KCNJ6: variants seen among roughly 807,000 people sequenced by gnomAD.
KCNJ6 encodes the protein potassium inwardly rectifying channel subfamily J member 6, also known as G protein-activated inward rectifier potassium channel 2.
A neutral mutation model predicts 34.2 loss-of-function variants in KCNJ6; 9 were observed. The ratio of observed to expected loss-of-function variants is 0.26; its 90% CI spans 0.16 to 0.46. The LOEUF (loss-of-function observed/expected upper bound fraction) is 0.46, where lower values mean the gene tolerates loss of function less well. Among genes scored for constraint, KCNJ6 ranks in the 20% least tolerant of loss-of-function variants. KCNJ6 has a pLI of 1.00. For missense variants in KCNJ6, 236 were observed against 531.3 expected, an observed-to-expected ratio of 0.44 and a Z score of 5.46; for synonymous variants, 196 against 207.1, an observed-to-expected ratio of 0.95 and a Z score of 0.46.
At chr21:37,754,842 C>G (rs1601455151) in intron 2 of KCNJ6, among the ~76,000 whole-genome samples, 2 of 152,256 alleles carry the variant, frequency 1.3e-5, no homozygotes, top group Admixed American at 6.5e-5. Context: ...GCTAGTTTCC[C>G]TTTTGGGGGC....
chr21:37,701,044 C>T (rs981392207), intron 3 of KCNJ6, among the ~76,000 whole-genome samples: 5 of 152,110 alleles, frequency 3.3e-5, no homozygotes, highest in Non-Finnish European at 7.3e-5. Flanking sequence ...GACTTTAGGA[C>T]ACATTATATT....
At chr21:37,761,321 TGTGTGTATTA>T (rs1219010838) in intron 2 of KCNJ6, among the ~76,000 whole-genome samples, 1 of 2,030 alleles carries the variant, frequency 4.9e-4, no homozygotes, top group Non-Finnish European at 7.4e-4. Flanking sequence ...CTGTGTGTCT[TGTGTGTATTA>T]GTGTGTGTAT....
intron 3 of KCNJ6, among the ~76,000 whole-genome samples, chr21:37,648,747 C>T (rs905896109): frequency 6.6e-6 from 1 of 152,128 alleles, no homozygotes; most frequent in Admixed American, 6.5e-5. Context: ...TGGGGTCAGT[C>T]ATTTGTCCAA....
At chr21:37,858,165 G>C (rs1187018754) in intron 1 of KCNJ6, among the ~76,000 whole-genome samples, 1 of 152,000 alleles carries the variant, frequency 6.6e-6, no homozygotes, top group Non-Finnish European at 1.5e-5. Context: ...GCCGAAGAGG[G>C]TGGATCATGA....
chr21:37,732,730 C>T (rs751371562), intron 2 of KCNJ6, among the ~76,000 whole-genome samples: 4 of 152,172 alleles, frequency 2.6e-5, no homozygotes, highest in African/African-American at 4.8e-5. Context: ...CCCACAAACC[C>T]GCTTCTCTTA....
At position 37,616,993 on chromosome 21, in the gene KCNJ6, T is replaced by TTC. The variant is rs2054270499; in HGVS notation, c.*8164_*8165dup. On this transcript the variant is annotated 3_prime_UTR_variant, in exon 4 of 4. Coordinates refer to ENST00000609713, the MANE Select transcript of KCNJ6 (RefSeq NM_002240.5). The stretch of plus-strand genomic sequence containing the variant: ...GATGTGCGATTTCTTTTCTCTTTCT[T>TTC]TCTTTCTCTTTCTTTTCTCTTTCTT... 3 of 124,084 alleles carry TTC rather than the reference T, an allele frequency of 2.4e-5. No individual in the cohort carries two copies. Among genetic ancestry groups the TTC allele is most frequent in the African/African-American group, 9.2e-5 (3 of 32,618 alleles). 7.7% of individuals were successfully genotyped at this position (124,084 alleles called of 1,614,324 possible).
chr21:37,782,248 C>T (rs1441668030), intron 2 of KCNJ6, among the ~76,000 whole-genome samples: 1 of 152,136 alleles, frequency 6.6e-6, no homozygotes, highest in African/African-American at 2.4e-5. Flanking sequence ...TGAGAAACCC[C>T]AGAAGGAATG....
chr21:37,862,076 T>G (rs2055597431), intron 1 of KCNJ6, among the ~76,000 whole-genome samples: 1 of 152,194 alleles, frequency 6.6e-6, no homozygotes, highest in Admixed American at 6.5e-5. Context: ...CAAGTAAGGC[T>G]TAGAAGACAG....
chr21:37,612,630 A>T lies in KCNJ6; in HGVS notation c.*12529T>A, dbSNP rs972464393. On this transcript the variant is annotated 3_prime_UTR_variant, in exon 4 of 4. Transcript: ENST00000609713. ...AGACCCACACAAATATAGTTAACTGATCCTTGGCAAAGGAGCACAGGCAAA... is the reference window on the plus strand; with the variant it reads ...AGACCCACACAAATATAGTTAACTGTTCCTTGGCAAAGGAGCACAGGCAAA... 1 of 151,586 alleles carries T rather than the reference A, an allele frequency of 6.6e-6. No individual in the cohort carries two copies. Among genetic ancestry groups the T allele is most frequent in the African/African-American group, 2.4e-5 (1 of 41,204 alleles). 9.4% of individuals were successfully genotyped at this position (151,586 alleles called of 1,614,324 possible). A position where few individuals can be genotyped will look rare whatever the true frequency, so the allele number is the denominator to read the frequency against.
chr21:37,788,291 G>A (rs1196463722), intron 2 of KCNJ6, among the ~76,000 whole-genome samples: 2 of 152,202 alleles, frequency 1.3e-5, no homozygotes, highest in Non-Finnish European at 2.9e-5. Context: ...GCTAGCCATG[G>A]AACATGGAGC....
chr21:37,644,993 C>G (rs1305996328), intron 3 of KCNJ6, among the ~76,000 whole-genome samples: 1 of 148,782 alleles, frequency 6.7e-6, no homozygotes, highest in Non-Finnish European at 1.5e-5. Context: ...AGGAGAGCAT[C>G]ACTGGTTGCA....
chr21:37,855,547 A>G (rs747769359), intron 1 of KCNJ6, among the ~76,000 whole-genome samples: 4 of 152,178 alleles, frequency 2.6e-5, no homozygotes, highest in Non-Finnish European at 5.9e-5. Flanking sequence ...CAGTTTTGTG[A>G]CAAAAAGAAT....
chr21:37,719,102 C>T (rs559794321), intron 2 of KCNJ6, among the ~76,000 whole-genome samples: 3 of 151,958 alleles, frequency 2.0e-5, no homozygotes, highest in African/African-American at 7.2e-5. Flanking sequence ...AGGAGGAGCC[C>T]CGAGGGGCCA....
At chr21:37,795,551 C>T (rs1336932968) in intron 2 of KCNJ6, among the ~76,000 whole-genome samples, 1 of 152,020 alleles carries the variant, frequency 6.6e-6, no homozygotes, top group South Asian at 2.1e-4. Flanking sequence ...TCGAGGCCAG[C>T]CTGGCCAACA....
At position 37,608,104 on chromosome 21, in the gene KCNJ6, A is replaced by G. The variant is rs2054230541; in HGVS notation, c.*17055T>C. ...TTAAGATGCAATGATGGGTTTATCA[A>G]TAATACTGTTCATGCTATTCGTTTC... On this transcript the variant is annotated 3_prime_UTR_variant, in exon 4 of 4. Coordinates refer to ENST00000609713, the MANE Select transcript of KCNJ6 (RefSeq NM_002240.5). 1.3e-5 allele frequency: 2 copies of G among 152,240 alleles called. No individual in the cohort carries two copies. The highest frequency in any genetic ancestry group is 1.3e-4 in the Admixed American group (2 of 15,286). 9.4% of individuals were successfully genotyped at this position (152,240 alleles called of 1,614,324 possible).
intron 2 of KCNJ6, among the ~76,000 whole-genome samples, chr21:37,767,618 G>T (rs977609154): frequency 4.6e-5 from 7 of 152,168 alleles, no homozygotes; most frequent in African/African-American, 1.7e-4. Context: ...TGCGGAAGCT[G>T]AGAAATTCTG....
Position 37,612,627 on chromosome 21 carries a change from C to T in KCNJ6, c.*12532G>A, listed in dbSNP as rs1374370783. Reference sequence around the variant, plus strand: ...AACAGACCCACACAAATATAGTTAACTGATCCTTGGCAAAGGAGCACAGGC... The same window carrying T: ...AACAGACCCACACAAATATAGTTAATTGATCCTTGGCAAAGGAGCACAGGC... On this transcript the variant is annotated 3_prime_UTR_variant, in exon 4 of 4. Transcript: ENST00000609713. 6.6e-6 allele frequency: 1 copy of T among 150,822 alleles called. No individual in the cohort carries two copies. Among genetic ancestry groups the T allele is most frequent in the East Asian group, 1.9e-4 (1 of 5,136 alleles). The allele number at this position is 150,822 out of a possible 1,614,324, so 9.3% of individuals were successfully genotyped here.
At chr21:37,756,352 T>C (rs1288753756) in intron 2 of KCNJ6, among the ~76,000 whole-genome samples, 7 of 152,196 alleles carry the variant, frequency 4.6e-5, no homozygotes. Context: ...TTGAAGACAG[T>C]GTGGGCCACA....
chr21:37,893,317 C>T (rs1187284535), intron 1 of KCNJ6, among the ~76,000 whole-genome samples: 2 of 152,092 alleles, frequency 1.3e-5, no homozygotes, highest in East Asian at 1.9e-4. Flanking sequence ...AAGCAATTCT[C>T]CTGCCTCAGC....
Sources: allele counts gnomAD v4.1 joint callset (sites outside exome capture counted in the v4.1 genomes callset), GRCh38; gene constraint gnomAD v4.1.1; transcripts MANE v1.5; gene names NCBI Gene and HGNC (gene_info 2026-07-23, HGNC 2026-07-21).